FSTL4: variants seen among roughly 807,000 people sequenced by gnomAD.
FSTL4 encodes the protein follistatin-related protein 4.
FSTL4 carries 28 observed loss-of-function variants against 78.2 expected under a neutral mutation model. The ratio of observed to expected loss-of-function variants is 0.36; its 90% CI spans 0.27 to 0.49. FSTL4 has a LOEUF of 0.49. FSTL4 is among the 20% of genes least tolerant of loss of function. FSTL4 has a pLI of 0.98. For missense variants in FSTL4, 922 were observed against 1,084.9 expected (o/e 0.85, Z 2.11); for synonymous variants, 422 against 440.5 (o/e 0.96, Z 0.53).
intron 3 of FSTL4, among the ~76,000 whole-genome samples, chr5:133,474,995 G>T (rs564171276): frequency 1.8e-4 from 27 of 152,250 alleles, no homozygotes; most frequent in Admixed American, 1.2e-3. Flanking sequence ...CCCAAAGGCT[G>T]TCCTCAGCAG....
the FSTL4 span, among the ~76,000 whole-genome samples, chr5:133,684,970 T>C: frequency 6.6e-6 from 1 of 152,130 alleles, no homozygotes; most frequent in Admixed American, 6.5e-5. Context: ...CAGACATGCT[T>C]CACTTTAGTC....
At chr5:133,663,947 T>C in the FSTL4 span, among the ~76,000 whole-genome samples, 11 of 152,258 alleles carry the variant, frequency 7.2e-5, no homozygotes, top group African/African-American at 2.4e-4. Context: ...GAGCCCTGTG[T>C]ATATGGGTGG....
At chr5:133,601,116 C>G (rs1760858758) in intron 2 of FSTL4, among the ~76,000 whole-genome samples, 1 of 152,188 alleles carries the variant, frequency 6.6e-6, no homozygotes, top group African/African-American at 2.4e-5. Context: ...TGGGGAAAAC[C>G]ATCCACGTCC....
chr5:133,604,026 A>C, intron 1 of FSTL4, 33 bp from the exon 2 acceptor site: 1 of 1,507,368 alleles, frequency 6.6e-7, no homozygotes, highest in Non-Finnish European at 9.2e-7. Flanking sequence ...TGAGAATAAA[A>C]CATTATGAGA....
Position 133,197,032 on chromosome 5 carries a change from T to C in FSTL4, c.*2063A>G, listed in dbSNP as rs1750165130. 1 of 152,210 alleles carries C rather than the reference T, an allele frequency of 6.6e-6. No individual in the cohort carries two copies. The highest frequency in any genetic ancestry group is 1.5e-5 in the Non-Finnish European group (1 of 68,050). 9.4% of individuals were successfully genotyped at this position (152,210 alleles called of 1,614,324 possible). A position where few individuals can be genotyped will look rare whatever the true frequency, so the allele number is the denominator to read the frequency against. Reference sequence around the variant, plus strand: ...AAGCAGGTGCTGCAGAAGTTGACTCTGTCACTCCTGATTATTTTAAAAGGC... The same window carrying C: ...AAGCAGGTGCTGCAGAAGTTGACTCCGTCACTCCTGATTATTTTAAAAGGC... On this transcript the variant is annotated 3_prime_UTR_variant, in exon 16 of 16. Coordinates refer to ENST00000265342, the MANE Select transcript of FSTL4 (RefSeq NM_015082.2).
chr5:133,659,562 T>C, the FSTL4 span, among the ~76,000 whole-genome samples: 2 of 151,532 alleles, frequency 1.3e-5, no homozygotes, highest in African/African-American at 4.8e-5. Flanking sequence ...GACTTTAAAT[T>C]ATTTACTATT....
At chr5:133,506,715 G>A (rs1239818538) in intron 3 of FSTL4, among the ~76,000 whole-genome samples, 1 of 152,206 alleles carries the variant, frequency 6.6e-6, no homozygotes, top group Non-Finnish European at 1.5e-5. Context: ...AAACAAAAGT[G>A]AGAATTAGGT....
the FSTL4 span, among the ~76,000 whole-genome samples, chr5:133,769,629 T>C: frequency 2.0e-5 from 3 of 152,236 alleles, no homozygotes; most frequent in Admixed American, 2.0e-4. Context: ...GGGTTATAGA[T>C]GGTAGCAAGG....
chr5:133,312,828 T>C (rs546851761), intron 5 of FSTL4, 51 bp from the exon 6 acceptor site: 225 of 1,598,140 alleles, frequency 1.4e-4, no homozygotes, highest in South Asian at 1.2e-3. Flanking sequence ...TTTAGAGTCA[T>C]AGGCATTGAT....
chr5:133,665,774 G>T, the FSTL4 span, among the ~76,000 whole-genome samples: 44 of 152,286 alleles, frequency 2.9e-4, 1 homozygote, highest in Admixed American at 2.8e-3. Flanking sequence ...GGGGCTGAGG[G>T]TCTCTTCCCC....
intron 3 of FSTL4, among the ~76,000 whole-genome samples, chr5:133,562,884 G>A (rs576392215): frequency 6.6e-5 from 10 of 152,298 alleles, no homozygotes; most frequent in East Asian, 1.9e-4. Context: ...GAAAAGTACC[G>A]GTTTGAGTAG....
intron 4 of FSTL4, among the ~76,000 whole-genome samples, chr5:133,320,127 G>A (rs1309637528): frequency 6.6e-6 from 1 of 152,154 alleles, no homozygotes; most frequent in Non-Finnish European, 1.5e-5. Flanking sequence ...GAGGTGGAGT[G>A]GGGGAGGGAA....
the FSTL4 span, among the ~76,000 whole-genome samples, chr5:133,668,122 G>T: frequency 6.6e-6 from 1 of 152,184 alleles, no homozygotes; most frequent in Non-Finnish European, 1.5e-5. Flanking sequence ...ACATCTGAAT[G>T]TTCTCGTGTG....
At chr5:133,802,473 C>G in the FSTL4 span, among the ~76,000 whole-genome samples, 46 of 152,320 alleles carry the variant, frequency 3.0e-4, no homozygotes, top group African/African-American at 6.5e-4. Context: ...AAGCAAGAAC[C>G]TTTGTAATGC....
chr5:133,561,311 T>C (rs547036081), intron 3 of FSTL4, among the ~76,000 whole-genome samples: 2 of 152,006 alleles, frequency 1.3e-5, no homozygotes, highest in Admixed American at 1.3e-4. Flanking sequence ...TTGCCTGTCC[T>C]GTGCCAAGGC....
chr5:133,311,631 G>A (rs1210491027), intron 6 of FSTL4, among the ~76,000 whole-genome samples: 1 of 152,218 alleles, frequency 6.6e-6, no homozygotes, highest in African/African-American at 2.4e-5. Flanking sequence ...TCACTCTGAA[G>A]CAGGAATACT....
intron 3 of FSTL4, among the ~76,000 whole-genome samples, chr5:133,518,873 T>A (rs575353741): frequency 2.7e-4 from 41 of 152,344 alleles, no homozygotes; most frequent in African/African-American, 8.7e-4. Flanking sequence ...AAATTTAAAA[T>A]CGTTCTTAAA....
intron 3 of FSTL4, among the ~76,000 whole-genome samples, chr5:133,464,668 C>T (rs1452958816): frequency 6.6e-6 from 1 of 152,214 alleles, no homozygotes; most frequent in Non-Finnish European, 1.5e-5. Context: ...GAGAAAGCTG[C>T]TGCAAGGAAG....
At chr5:133,295,047 G>A (rs547477337) in intron 6 of FSTL4, among the ~76,000 whole-genome samples, 7 of 152,170 alleles carry the variant, frequency 4.6e-5, no homozygotes, top group South Asian at 2.1e-4. Flanking sequence ...AGTGGGTCCC[G>A]AAAGCTGCCC....
Sources: gnomAD v4.1 joint callset for allele counts (sites outside exome capture counted in the v4.1 genomes callset) on GRCh38, gnomAD v4.1.1 for gene constraint, MANE v1.5 for transcripts, NCBI Gene and HGNC (gene_info 2026-07-23, HGNC 2026-07-21) for gene names.